PDXDC1: variants seen among roughly 807,000 people sequenced by gnomAD.
PDXDC1 encodes the protein pyridoxal-dependent decarboxylase domain-containing protein 1.
Under a neutral mutation model 100.1 loss-of-function variants are expected in PDXDC1, and 42 were observed. The ratio of observed to expected loss-of-function variants is 0.42; its 90% confidence interval spans 0.33 to 0.54. The LOEUF (loss-of-function observed/expected upper bound fraction) is 0.54, where lower values mean the gene tolerates loss of function less well. Ranked by LOEUF, PDXDC1 falls within the 20% of genes least tolerant of loss-of-function variation. PDXDC1 has a pLI of 0.10. For missense variants in PDXDC1, 636 were observed against 979.2 expected, an observed-to-expected ratio of 0.65 and a Z score of 4.68; for synonymous variants, 260 against 371.7, an observed-to-expected ratio of 0.70 and a Z score of 3.46.
chr16:15,078,346 G>A (rs188938942), intron 16 of PDXDC1, among the ~76,000 whole-genome samples: 22 of 152,026 alleles, frequency 1.4e-4, no homozygotes, highest in East Asian at 1.2e-3. Flanking sequence ...CCTAAACCAC[G>A]CCTCTTAGCC....
At chr16:15,099,203 AC>A (rs1236066266) in intron 16 of PDXDC1, among the ~76,000 whole-genome samples, 1 of 152,100 alleles carries the variant, frequency 6.6e-6, no homozygotes, top group Non-Finnish European at 1.5e-5. Flanking sequence ...CAGGTGGCTC[AC>A]TTGAGATCAG....
chr16:15,055,408 T>TG (rs1367899490), intron 16 of PDXDC1, among the ~76,000 whole-genome samples: 1 of 152,142 alleles, frequency 6.6e-6, no homozygotes, highest in African/African-American at 2.4e-5. Context: ...GAGGAAGGAC[T>TG]GGGGGTCCCC....
intron 16 of PDXDC1, among the ~76,000 whole-genome samples, chr16:15,102,169 TTA>T (rs1053051548): frequency 4.6e-4 from 70 of 151,702 alleles, no homozygotes; most frequent in African/African-American, 1.6e-3. Flanking sequence ...TTTAAATTTG[TTA>T]TAGAGACAAG....
At chr16:15,004,510 A>C (rs1318852313) in intron 5 of PDXDC1, among the ~76,000 whole-genome samples, 177 bp downstream of exon 5, 10 of 152,296 alleles carry the variant, frequency 6.6e-5, no homozygotes, top group Admixed American at 6.5e-4. Flanking sequence ...TACCTATTTC[A>C]TAGAAGCGTT....
At chr16:15,102,928 C>A (rs374889240) in intron 16 of PDXDC1, among the ~76,000 whole-genome samples, 384 of 145,836 alleles carry the variant, frequency 2.6e-3, no homozygotes, top group Non-Finnish European at 3.9e-3. Flanking sequence ...CAGAGAGATA[C>A]GCTGTCTCAA....
At chr16:15,016,878 G>A (rs28412131) in intron 9 of PDXDC1, among the ~76,000 whole-genome samples, 3 of 152,168 alleles carry the variant, frequency 2.0e-5, no homozygotes, top group Non-Finnish European at 4.4e-5. Context: ...TGAAAGAGAA[G>A]AATACTCCCA....
intron 16 of PDXDC1, among the ~76,000 whole-genome samples, chr16:15,101,429 G>A (rs1296057425): frequency 6.6e-6 from 1 of 152,170 alleles, no homozygotes; most frequent in Non-Finnish European, 1.5e-5. Flanking sequence ...TGATTGTCGT[G>A]CCTCAGCCTC....
chr16:15,047,604 G>A (rs1872873871), intron 16 of PDXDC1: 7 of 1,297,350 alleles, frequency 5.4e-6, no homozygotes, highest in South Asian at 1.2e-5. Flanking sequence ...AGTGCAGTGC[G>A]CAGGCCGAGA....
At chr16:15,084,822 T>C (rs1326811380) in intron 16 of PDXDC1, 10 of 754,478 alleles carry the variant, frequency 1.3e-5, no homozygotes, top group Non-Finnish European at 1.9e-5. Flanking sequence ...TCCCAGCACT[T>C]TGGGAGGCCG....
intron 1 of PDXDC1, among the ~76,000 whole-genome samples, chr16:14,984,233 A>G (rs1158033118): frequency 5.3e-5 from 7 of 131,400 alleles, no homozygotes; most frequent in Non-Finnish European, 9.1e-5. Context: ...AAATGTCCCT[A>G]TGTCCCTTTG....
Position 15,130,962 on chromosome 16 carries a change from G to C in PDXDC1, c.1400-7917G>C, listed in dbSNP as rs953588461. On this transcript the variant is annotated intron_variant, in intron 16 of 16. Coordinates refer to the PDXDC1 transcript ENST00000535621. Reference sequence around the variant, plus strand: ...TGGCCCCCAGCTCCTCTCCGGCCAGGCCCCCAGCAGCCCATGAAACAGAAA... The same window carrying C: ...TGGCCCCCAGCTCCTCTCCGGCCAGCCCCCCAGCAGCCCATGAAACAGAAA... The C allele has an allele frequency of 4.3e-5, 32 of 750,194 alleles. No homozygotes were observed. In the Admixed American group the frequency reaches 6.8e-4, roughly 16 times the overall value. 46.5% of individuals were successfully genotyped at this position (750,194 alleles called of 1,614,324 possible).
chr16:15,063,325 C>T (rs761076413), intron 16 of PDXDC1: 23 of 1,454,562 alleles, frequency 1.6e-5, no homozygotes, highest in Middle Eastern at 1.7e-4. Flanking sequence ...TTAAATACTT[C>T]GGCAGAAGTC....
At chr16:15,076,267 A>G (rs1041150682) in intron 16 of PDXDC1, among the ~76,000 whole-genome samples, 4 of 152,212 alleles carry the variant, frequency 2.6e-5, no homozygotes, top group Admixed American at 2.0e-4. Context: ...ATGCTTTTCT[A>G]TTAACCACGC....
Position 15,031,719 on chromosome 16 carries a change from T to G in PDXDC1, c.1400-16T>G, listed in dbSNP as rs370511987. 1 of 1,600,990 alleles carries G rather than the reference T, an allele frequency of 6.2e-7. No homozygotes were observed. On this transcript the variant is annotated splice_polypyrimidine_tract_variant and intron_variant, in intron 16 of 22. Transcript: ENST00000396410. ...CCATCTCGTGAGCATTTCTCTGACA[T>G]TGTGAACATCTTCAGTTTTAGGAAC...
downstream of PDXDC1, among the ~76,000 whole-genome samples, chr16:15,139,600 G>A (rs919379720): frequency 6.7e-6 from 1 of 149,078 alleles, no homozygotes; most frequent in East Asian, 2.0e-4. Context: ...GGACAGCATA[G>A]CAAGACCCCA....
intron 16 of PDXDC1, among the ~76,000 whole-genome samples, chr16:15,118,665 A>AT (rs1481367023): frequency 1.3e-5 from 2 of 150,140 alleles, no homozygotes; most frequent in East Asian, 4.0e-4. Context: ...CTCATACTCC[A>AT]TTTGTGACAA....
intron 1 of PDXDC1, chr16:14,989,613 C>T: frequency 2.5e-6 from 4 of 1,606,186 alleles, no homozygotes; most frequent in Admixed American, 3.4e-5. Context: ...CACGCAGTCG[C>T]GGCCGGACCC....
downstream of PDXDC1, among the ~76,000 whole-genome samples, chr16:15,140,447 CAAAA>C (rs888007915): frequency 2.6e-5 from 1 of 39,068 alleles, no homozygotes; most frequent in Non-Finnish European, 5.5e-5. Flanking sequence ...AGCTCCATCT[CAAAA>C]AAAAAAAAAA....
chr16:15,131,352 G>A (rs1221559421), intron 16 of PDXDC1: 7 of 1,566,974 alleles, frequency 4.5e-6, no homozygotes, highest in Non-Finnish European at 6.1e-6. Context: ...TGTAGTTGCT[G>A]ATATAGCCAA....
Sources: allele counts gnomAD v4.1 joint callset (sites outside exome capture counted in the v4.1 genomes callset), GRCh38; gene constraint gnomAD v4.1.1; transcripts MANE v1.5; gene names NCBI Gene and HGNC (gene_info 2026-07-23, HGNC 2026-07-21).